ABCA13: variants seen among roughly 807,000 people sequenced by gnomAD.
The protein encoded by ABCA13 is ATP-binding cassette sub-family A member 13.
ABCA13 carries 476 observed loss-of-function variants against 478.7 expected under a neutral mutation model. The ratio of observed to expected loss-of-function variants is 0.99; its 90% confidence interval spans 0.92 to 1.07. The LOEUF is 1.07. Among genes scored for constraint, ABCA13 ranks in the 50% least tolerant of loss-of-function variants. ABCA13 has a pLI of 0.00. For synonymous variants in ABCA13, 2,252 were observed against 2,158.9 expected, an observed-to-expected ratio of 1.04 and a Z score of -1.20; for missense variants, 6,060 against 5,910.6, an observed-to-expected ratio of 1.03 and a Z score of -0.83.
intron 1 of ABCA13, among the ~76,000 whole-genome samples, chr7:48,174,700 C>T (rs147746680): frequency 6.6e-6 from 1 of 151,994 alleles, no homozygotes; most frequent in East Asian, 1.9e-4. Flanking sequence ...TTTTATTATC[C>T]TAATTAACTT....
At chr7:48,557,799 A>G (rs1285726012) in intron 55 of ABCA13, among the ~76,000 whole-genome samples, 3 of 152,112 alleles carry the variant, frequency 2.0e-5, no homozygotes, top group African/African-American at 7.2e-5. Context: ...ATTTGCACCA[A>G]CGTAATATAA....
At chr7:48,184,045 G>T (rs1231898915) in intron 1 of ABCA13, among the ~76,000 whole-genome samples, 1 of 152,168 alleles carries the variant, frequency 6.6e-6, no homozygotes, top group Non-Finnish European at 1.5e-5. Flanking sequence ...CAAATCCTTA[G>T]CTTACTAATA....
intron 58 of ABCA13, among the ~76,000 whole-genome samples, chr7:48,606,855 G>C (rs550700425): frequency 6.6e-6 from 1 of 152,186 alleles, no homozygotes; most frequent in African/African-American, 2.4e-5. Context: ...GGGAGATGGG[G>C]GTTTTATCTA....
chr7:48,553,085 A>G (rs912822441), intron 55 of ABCA13, among the ~76,000 whole-genome samples: 3 of 152,004 alleles, frequency 2.0e-5, no homozygotes, highest in Admixed American at 2.0e-4. Context: ...GTCTTTCTGT[A>G]CTTGGTTTAT....
rs979622307 is a variant in ABCA13, at chr7:48,245,864, T to C, written c.1493T>C (p.Met498Thr). The change falls in exon 13 of 62, where the codon ATG (methionine) becomes ACG (threonine). Residue 498 changes from methionine to threonine, a missense_variant and splice_region_variant. This residue lies in a region of ABCA13 where 4,423 missense variants were observed against 4,309.1 expected (regional missense o/e 1.03). Transcript: ENST00000435803. ...KDVFFWELKQ[M>T]LAKNAVCPNG... Reference sequence around the variant, plus strand: ...TTCCCACTCTTATTAATCTTTTAGATGTTGGCGAAGAATGCTGTCTGCCCG... The same window carrying C: ...TTCCCACTCTTATTAATCTTTTAGACGTTGGCGAAGAATGCTGTCTGCCCG... 2.5e-6 allele frequency: 4 copies of C among 1,610,922 alleles called. No homozygotes were observed. Among genetic ancestry groups the C allele is most frequent in the Non-Finnish European group, 3.4e-6 (4 of 1,178,380 alleles).
chr7:48,287,916 G>C, intron 19 of ABCA13, 44 bp from the exon 20 acceptor site: 1 of 1,485,650 alleles, frequency 6.7e-7, no homozygotes, highest in Non-Finnish European at 9.4e-7. Flanking sequence ...TAGTTCAGGA[G>C]AGGACTGTCT....
intron 52 of ABCA13, among the ~76,000 whole-genome samples, chr7:48,518,868 T>C (rs1036600977): frequency 1.3e-5 from 2 of 152,106 alleles, no homozygotes; most frequent in African/African-American, 4.8e-5. Flanking sequence ...GTTCCATAGA[T>C]AAATGTGTGC....
Position 48,239,372 on chromosome 7 carries a change from C to T in ABCA13, c.1029C>T (p.Val343=). 1.2e-6 allele frequency: 2 copies of T among 1,613,796 alleles called. No individual in the cohort carries two copies. The highest frequency in any genetic ancestry group is 1.7e-6 in the Non-Finnish European group (2 of 1,179,776). The change falls in exon 9 of 62, where the codon GTC becomes GTT. Residue 343 remains valine, a synonymous_variant. Transcript: ENST00000435803. The part of the protein sequence containing the change: ...PKWSEAKNYL[V]HAVSWLRVYQ... ...GGTCAGAAGCCAAAAACTATCTTGT[C>T]CATGCAGTCAGCTGGCTGCGAGTCT...
Position 48,466,941 on chromosome 7 carries a change from C to T in ABCA13, c.12816-15C>T, listed in dbSNP as rs1826940708. 2 of 1,613,520 alleles carry T rather than the reference C, an allele frequency of 1.2e-6. No homozygotes were observed. Among genetic ancestry groups the T allele is most frequent in the Non-Finnish European group, 1.7e-6 (2 of 1,179,506 alleles). ...TAATCCCACTTTGTTTCCTTTGTCT[C>T]ACAATGAACAGCAGCAGTGGGGGCG... On this transcript the variant is annotated splice_polypyrimidine_tract_variant and intron_variant, in intron 43 of 61. Coordinates refer to ENST00000435803, the MANE Select transcript of ABCA13 (RefSeq NM_152701.5).
intron 3 of ABCA13, among the ~76,000 whole-genome samples, chr7:48,207,120 C>A (rs936117312): frequency 6.6e-6 from 1 of 152,146 alleles, no homozygotes; most frequent in African/African-American, 2.4e-5. Flanking sequence ...CCAGTTGCAT[C>A]CTTGTCGTTG....
intron 43 of ABCA13, among the ~76,000 whole-genome samples, chr7:48,466,097 C>A (rs1826848247): frequency 6.6e-6 from 1 of 152,086 alleles, no homozygotes; most frequent in Non-Finnish European, 1.5e-5. Context: ...AGTAAGAAAT[C>A]TATACTCTTT....
chr7:48,415,202 G>A (rs566848311), intron 41 of ABCA13, among the ~76,000 whole-genome samples: 1 of 152,312 alleles, frequency 6.6e-6, no homozygotes, highest in East Asian at 1.9e-4. Flanking sequence ...CTAATCATTT[G>A]GACAGTTGAG....
At chr7:48,227,757 T>C (rs1291237924) in intron 6 of ABCA13, among the ~76,000 whole-genome samples, 1 of 152,272 alleles carries the variant, frequency 6.6e-6, no homozygotes, top group East Asian at 1.9e-4. Context: ...CTATATACTG[T>C]AATTTACTTA....
intron 1 of ABCA13, among the ~76,000 whole-genome samples, chr7:48,178,629 C>T (rs1437112701): frequency 6.6e-6 from 1 of 150,950 alleles, no homozygotes; most frequent in Non-Finnish European, 1.5e-5. Flanking sequence ...GAGCCGAGCT[C>T]GCACCATTGC....
At chr7:48,349,568 C>T (rs1391594951) in intron 29 of ABCA13, among the ~76,000 whole-genome samples, 3 of 152,178 alleles carry the variant, frequency 2.0e-5, no homozygotes, top group Non-Finnish European at 4.4e-5. Context: ...ACACCCCTTT[C>T]AAACATGGGC....
chr7:48,530,264 A>T (rs1309054799), intron 55 of ABCA13, among the ~76,000 whole-genome samples: 1 of 151,846 alleles, frequency 6.6e-6, no homozygotes, highest in African/African-American at 2.4e-5. Context: ...CAATGCCATT[A>T]TTTATTTAGT....
At chr7:48,237,849 T>C (rs1790199564) in intron 8 of ABCA13, among the ~76,000 whole-genome samples, 1 of 152,246 alleles carries the variant, frequency 6.6e-6, no homozygotes, top group African/African-American at 2.4e-5. Flanking sequence ...GCCTGATGGC[T>C]GCATATCTGC....
chr7:48,443,338 A>G (rs1174814730), intron 42 of ABCA13, among the ~76,000 whole-genome samples: 1 of 152,220 alleles, frequency 6.6e-6, no homozygotes, highest in Non-Finnish European at 1.5e-5. Flanking sequence ...CAGGCCAGCC[A>G]CTTGACAATG....
chr7:48,479,521 A>ACAC (rs1828540042), intron 45 of ABCA13, among the ~76,000 whole-genome samples: 1 of 152,200 alleles, frequency 6.6e-6, no homozygotes, highest in African/African-American at 2.4e-5. Context: ...TACAGGTGTG[A>ACAC]GCCCCTCGAC....
Sources: allele counts gnomAD v4.1 joint callset (sites outside exome capture counted in the v4.1 genomes callset), GRCh38; gene constraint gnomAD v4.1.1; regional missense constraint gnomAD v4.1.1; transcripts MANE v1.5; gene names NCBI Gene and HGNC (gene_info 2026-07-23, HGNC 2026-07-21).